Variants in SNTB1 observed in about 807,000 individuals in gnomAD.
SNTB1 encodes syntrophin beta 1.
In SNTB1, 36 loss-of-function variants were observed where a neutral mutation model predicts 48.9. The ratio of observed to expected loss-of-function variants is 0.74; its 90% confidence interval spans 0.56 to 0.97. The LOEUF is 0.97. Among genes scored for constraint, SNTB1 ranks in the 50% least tolerant of loss-of-function variants. SNTB1 has a pLI of 0.00. For missense variants in SNTB1, 786 were observed against 703.4 expected (o/e 1.12, Z -1.33); for synonymous variants, 299 against 294.6 (o/e 1.01, Z -0.15).
intron 1 of SNTB1, among the ~76,000 whole-genome samples, chr8:120,700,921 T>A (rs1356796963): frequency 6.6e-6 from 1 of 152,160 alleles, no homozygotes; most frequent in African/African-American, 2.4e-5. Context: ...AAAAAAAGAA[T>A]TTCCAGATTA....
intron 1 of SNTB1, among the ~76,000 whole-genome samples, chr8:120,762,882 C>T (rs941115062): frequency 1.3e-5 from 2 of 152,118 alleles, no homozygotes; most frequent in African/African-American, 2.4e-5. Flanking sequence ...TAATATTTAT[C>T]GAAAACTTAA....
chr8:120,603,772 G>T (rs987288939), intron 3 of SNTB1, among the ~76,000 whole-genome samples: 2 of 152,198 alleles, frequency 1.3e-5, no homozygotes, highest in Admixed American at 1.3e-4. Context: ...TCATTCAGAA[G>T]TCACCTCAAA....
chr8:120,685,483 T>C (rs986638405), intron 2 of SNTB1, among the ~76,000 whole-genome samples: 1 of 152,198 alleles, frequency 6.6e-6, no homozygotes, highest in Non-Finnish European at 1.5e-5. Flanking sequence ...TGGGGCCACT[T>C]GAGCCACAAC....
intron 1 of SNTB1, among the ~76,000 whole-genome samples, chr8:120,701,121 C>T (rs1402157353): frequency 1.3e-5 from 2 of 152,130 alleles, no homozygotes; most frequent in Non-Finnish European, 2.9e-5. Flanking sequence ...ATAAGATTTA[C>T]CCTCAATGGC....
At chr8:120,766,523 A>G (rs911513237) in intron 1 of SNTB1, among the ~76,000 whole-genome samples, 1 of 152,032 alleles carries the variant, frequency 6.6e-6, no homozygotes, top group Non-Finnish European at 1.5e-5. Flanking sequence ...TTTAAATACT[A>G]TTTTCCTTAT....
At chr8:120,644,302 TCCCTCCC>T (rs1817245428) in intron 2 of SNTB1, among the ~76,000 whole-genome samples, 1 of 103,324 alleles carries the variant, frequency 9.7e-6, no homozygotes, top group Admixed American at 1.2e-4. Flanking sequence ...CCCGAAGCTA[TCCCTCCC>T]CCCTCCCCCC....
At chr8:120,804,290 A>AT (rs1165170871) in intron 1 of SNTB1, among the ~76,000 whole-genome samples, 3 of 140,502 alleles carry the variant, frequency 2.1e-5, no homozygotes, top group South Asian at 4.4e-4. Flanking sequence ...ACCCTTTAGC[A>AT]TTTTTTCCTT....
intron 6 of SNTB1, among the ~76,000 whole-genome samples, chr8:120,539,322 A>T (rs1004147332): frequency 6.6e-6 from 1 of 152,196 alleles, no homozygotes; most frequent in Non-Finnish European, 1.5e-5. Flanking sequence ...TAAATTTCAC[A>T]TCTGAAGATT....
chr8:120,544,676 A>T (rs1339543178), intron 5 of SNTB1, among the ~76,000 whole-genome samples: 1 of 152,264 alleles, frequency 6.6e-6, no homozygotes, highest in East Asian at 1.9e-4. Context: ...ATTCTTTCCT[A>T]CAACACTCCC....
chr8:120,665,136 T>C (rs912225242), intron 2 of SNTB1, among the ~76,000 whole-genome samples: 1 of 152,220 alleles, frequency 6.6e-6, no homozygotes, highest in African/African-American at 2.4e-5. Flanking sequence ...CTTTTTAGTA[T>C]AAATTTAGAG....
intron 1 of SNTB1, among the ~76,000 whole-genome samples, chr8:120,787,650 G>A (rs1341574520): frequency 1.3e-5 from 2 of 152,012 alleles, no homozygotes; most frequent in Non-Finnish European, 1.5e-5. Flanking sequence ...CTGAGGACAA[G>A]GCTTTTGAAT....
intron 1 of SNTB1, among the ~76,000 whole-genome samples, chr8:120,726,799 C>A (rs1299525111): frequency 1.3e-5 from 2 of 152,088 alleles, no homozygotes; most frequent in Admixed American, 6.5e-5. Context: ...CACATCCTGG[C>A]AATGTGGGAG....
At chr8:120,678,572 TATCA>T (rs1817878417) in intron 2 of SNTB1, among the ~76,000 whole-genome samples, 1 of 152,208 alleles carries the variant, frequency 6.6e-6, no homozygotes, top group Admixed American at 6.5e-5. Flanking sequence ...AAGAAATCTT[TATCA>T]AAACTCTTTT....
chr8:120,665,159 T>C (rs1238119017), intron 2 of SNTB1, among the ~76,000 whole-genome samples: 1 of 152,162 alleles, frequency 6.6e-6, no homozygotes, highest in Non-Finnish European at 1.5e-5. Flanking sequence ...TTTTTAAATA[T>C]ATAGACTCTT....
chr8:120,713,380 G>C (rs187945646), intron 1 of SNTB1, among the ~76,000 whole-genome samples: 1 of 152,038 alleles, frequency 6.6e-6, no homozygotes, highest in South Asian at 2.1e-4. Flanking sequence ...CCCCCACCCC[G>C]CAGAAAAGTA....
At chr8:120,583,657 A>T (rs576842979) in intron 3 of SNTB1, among the ~76,000 whole-genome samples, 4 of 152,276 alleles carry the variant, frequency 2.6e-5, no homozygotes, top group African/African-American at 9.6e-5. Flanking sequence ...TTCACTGAGG[A>T]ATTCTATCAA....
chr8:120,560,831 C>T (rs1303447529), intron 4 of SNTB1, among the ~76,000 whole-genome samples: 4 of 152,148 alleles, frequency 2.6e-5, no homozygotes, highest in African/African-American at 4.8e-5. Flanking sequence ...ATTGCCGCAA[C>T]GCTTCTTTGA....
Position 120,597,062 on chromosome 8 carries a change from G to GAGCCCTAAATGCAATCACA in SNTB1, c.997-21856_997-21838dup, listed in dbSNP as rs2130714344. On this transcript the variant is annotated intron_variant, in intron 3 of 6. Transcript: ENST00000517992. ...GGAGACTAGCCTGAGTTATCTGGAT[G>GAGCCCTAAATGCAATCACA]AGCCCTAAATGCAATCACAAGCCCT... Among the ~76,000 whole-genome samples the GAGCCCTAAATGCAATCACA allele has an allele frequency of 2.0e-5, 3 of 152,292 alleles. No homozygotes were observed. The South Asian group carries it at 6.2e-4, about 32-fold the overall frequency.
chr8:120,782,377 C>A (rs1210084065), intron 1 of SNTB1, among the ~76,000 whole-genome samples: 1 of 152,030 alleles, frequency 6.6e-6, no homozygotes, highest in Non-Finnish European at 1.5e-5. Context: ...ATCCTTGAAG[C>A]CTTCCCTCGA....
Sources: allele counts gnomAD v4.1 joint callset (sites outside exome capture counted in the v4.1 genomes callset), GRCh38; gene constraint gnomAD v4.1.1; transcripts MANE v1.5; gene names NCBI Gene and HGNC (gene_info 2026-07-23, HGNC 2026-07-21).